TRPM3: variants seen among roughly 807,000 people sequenced by gnomAD.
The protein encoded by TRPM3 is transient receptor potential cation channel subfamily M member 3, also known as long transient receptor potential channel 3.
Under a neutral mutation model 181.2 loss-of-function variants are expected in TRPM3, and 77 were observed. The ratio of observed to expected loss-of-function variants is 0.42; its 90% CI spans 0.35 to 0.51. TRPM3 has a LOEUF of 0.51. Ranked by LOEUF, TRPM3 falls within the 20% of genes least tolerant of loss-of-function variation. The pLI is 0.01. For missense variants in TRPM3, 1,759 were observed against 2,196.7 expected, an observed-to-expected ratio of 0.80 and a Z score of 3.98; for synonymous variants, 745 against 796.4, an observed-to-expected ratio of 0.94 and a Z score of 1.09.
chr9:70,862,610 C>G (rs895603020), intron 3 of TRPM3, among the ~76,000 whole-genome samples: 4 of 152,050 alleles, frequency 2.6e-5, no homozygotes, highest in Admixed American at 1.3e-4. Context: ...ACATAATAAA[C>G]AGTGAATAAC....
rs1006073421 is a variant in TRPM3 at position 70,940,255 on chromosome 9, C to CA, written c.178-75745dup. On this transcript the variant is annotated intron_variant, in intron 1 of 25. Transcript: ENST00000677713. The stretch of plus-strand genomic sequence containing the variant: ...AATTTATTGAGAAGGAAACTTAACA[C>CA]AAAAAAAAGTAAAACATTTTTCCCC... 1.3e-3 allele frequency among the ~76,000 whole-genome samples: 195 copies of CA among 151,734 alleles called. 1 individual carries two copies. Among genetic ancestry groups the CA allele is most frequent in the African/African-American group, 4.3e-3 (180 of 41,396 alleles).
intron 1 of TRPM3, among the ~76,000 whole-genome samples, chr9:71,078,237 A>G (rs2063743444): frequency 6.6e-6 from 1 of 152,118 alleles, no homozygotes; most frequent in South Asian, 2.1e-4. Flanking sequence ...AAATATACAG[A>G]TATGCTAAAA....
chr9:70,968,532 T>C (rs2097207667), intron 1 of TRPM3, among the ~76,000 whole-genome samples: 1 of 152,168 alleles, frequency 6.6e-6, no homozygotes, highest in Non-Finnish European at 1.5e-5. Context: ...CAAGGGTTCA[T>C]ATTGCACATT....
chr9:70,993,878 C>A (rs899294316), intron 1 of TRPM3, among the ~76,000 whole-genome samples: 2 of 151,480 alleles, frequency 1.3e-5, no homozygotes, highest in African/African-American at 4.9e-5. Context: ...GGTAGCAATT[C>A]CCTTCTGATT....
intron 1 of TRPM3, among the ~76,000 whole-genome samples, chr9:71,011,782 G>GTTTT (rs1246219196): frequency 4.3e-5 from 4 of 93,236 alleles, no homozygotes; most frequent in South Asian, 3.8e-4. Flanking sequence ...TTTTTTTTTT[G>GTTTT]TTTTTTTGTT....
intron 1 of TRPM3, among the ~76,000 whole-genome samples, chr9:71,148,576 C>T: frequency 6.6e-6 from 1 of 152,092 alleles, no homozygotes; most frequent in African/African-American, 2.4e-5. Flanking sequence ...AAGACTGACA[C>T]CTGGAAAATC....
chr9:70,873,327 A>G (rs975466833), intron 1 of TRPM3, among the ~76,000 whole-genome samples: 4 of 151,984 alleles, frequency 2.6e-5, no homozygotes. Flanking sequence ...CACTGCCATC[A>G]GTGTGTTCTT....
chr9:70,749,111 A>G (rs967901264), intron 8 of TRPM3, among the ~76,000 whole-genome samples: 2 of 152,172 alleles, frequency 1.3e-5, no homozygotes, highest in East Asian at 1.9e-4. Context: ...AGTGATCCAC[A>G]CTTCTCAGCC....
chr9:71,001,382 G>C (rs1278508811), intron 1 of TRPM3, among the ~76,000 whole-genome samples: 1 of 152,092 alleles, frequency 6.6e-6, no homozygotes, highest in African/African-American at 2.4e-5. Context: ...TTTCCCTCAG[G>C]TTTTTGCATG....
intron 1 of TRPM3, among the ~76,000 whole-genome samples, chr9:70,879,163 C>T (rs2132666395): frequency 1.3e-5 from 2 of 152,148 alleles, no homozygotes; most frequent in South Asian, 4.1e-4. Flanking sequence ...AGGCAAAATA[C>T]AGGGACATAG....
chr9:71,216,779 G>T (rs2079893507), intron 1 of TRPM3, among the ~76,000 whole-genome samples: 1 of 152,058 alleles, frequency 6.6e-6, no homozygotes, highest in Non-Finnish European at 1.5e-5. Context: ...GCTCAACACA[G>T]GTTCATGGCA....
intron 9 of TRPM3, among the ~76,000 whole-genome samples, chr9:70,680,610 GA>G (rs2065165365): frequency 6.6e-6 from 1 of 152,176 alleles, no homozygotes; most frequent in Admixed American, 6.5e-5. Context: ...AACAGGTAGT[GA>G]CCAACCATGA....
At chr9:70,582,181 CGT>C (rs3073501) in intron 22 of TRPM3, among the ~76,000 whole-genome samples, 78,167 of 149,078 alleles carry the variant, frequency 0.52, 20,724 homozygotes, top group East Asian at 0.65. Context: ...CCACCCTGTG[CGT>C]GTGTGTGTGT....
intron 1 of TRPM3, among the ~76,000 whole-genome samples, chr9:71,159,551 T>C (rs1468739146): frequency 1.3e-5 from 2 of 152,092 alleles, no homozygotes; most frequent in Non-Finnish European, 2.9e-5. Flanking sequence ...CCTACGAATA[T>C]ATCATTTTAT....
At chr9:70,878,156 C>A (rs189422033) in intron 1 of TRPM3, among the ~76,000 whole-genome samples, 2 of 151,950 alleles carry the variant, frequency 1.3e-5, no homozygotes, top group African/African-American at 4.8e-5. Flanking sequence ...GTTATGAAAG[C>A]GGGCATGCAT....
intron 1 of TRPM3, among the ~76,000 whole-genome samples, chr9:70,926,343 G>A (rs2096721294): frequency 6.6e-6 from 1 of 152,130 alleles, no homozygotes; most frequent in African/African-American, 2.4e-5. Flanking sequence ...TATCTGTGAA[G>A]TTATCTGTAT....
At position 70,791,329 on chromosome 9, in the gene TRPM3, C is replaced by T. The variant is rs553111271; in HGVS notation, c.974-7050G>A. Reference sequence around the variant, plus strand: ...CACACAAGTTATTAAACAGTCGACACGCAACAAAATGTTTCACTTCTAAAT... The same window carrying T: ...CACACAAGTTATTAAACAGTCGACATGCAACAAAATGTTTCACTTCTAAAT... On this transcript the variant is annotated intron_variant, in intron 6 of 25. Transcript: ENST00000677713. Among the ~76,000 whole-genome samples, 17 of 152,220 alleles carry T rather than the reference C, an allele frequency of 1.1e-4. No homozygotes were observed. In the South Asian group the frequency reaches 1.5e-3, roughly 13 times the overall value.
chr9:71,026,091 A>C (rs1590758623), intron 1 of TRPM3, among the ~76,000 whole-genome samples: 1 of 152,314 alleles, frequency 6.6e-6, no homozygotes, highest in South Asian at 2.1e-4. Flanking sequence ...TCGGGGCAGA[A>C]CTGCAGCCAG....
chr9:70,871,594 T>C (rs906533654), intron 1 of TRPM3, among the ~76,000 whole-genome samples: 4 of 151,928 alleles, frequency 2.6e-5, no homozygotes, highest in African/African-American at 9.7e-5. Flanking sequence ...TCATGTGAGG[T>C]TGTAGATTAT....
Sources: allele counts gnomAD v4.1 joint callset (sites outside exome capture counted in the v4.1 genomes callset), GRCh38; gene constraint gnomAD v4.1.1; transcripts MANE v1.5; gene names NCBI Gene and HGNC (gene_info 2026-07-23, HGNC 2026-07-21).